GFM2: variants seen among roughly 807,000 people sequenced by gnomAD.
GFM2 encodes the protein ribosome-releasing factor 2, mitochondrial.
A neutral mutation model predicts 95.4 loss-of-function variants in GFM2; 72 were observed. The observed-to-expected ratio is 0.76, with a 90% confidence interval of 0.62 to 0.92. The LOEUF is 0.92. Among genes scored for constraint, GFM2 ranks in the 40% least tolerant of loss-of-function variants. The pLI is 0.00. For synonymous variants in GFM2, 276 were observed against 317.5 expected, an observed-to-expected ratio of 0.87 and a Z score of 1.39; for missense variants, 825 against 924.1, an observed-to-expected ratio of 0.89 and a Z score of 1.39.
chr5:74,767,062 A>G lies in GFM2; in HGVS notation c.-149T>C. ...CGCCAGCCTAGGCAAAAGGCAATGT[A>G]TCTAAACGAAAAGAAAATAGGCTTT... On this transcript the variant is annotated 5_prime_UTR_variant, in exon 1 of 21. Transcript: ENST00000296805. 2.4e-6 allele frequency: 1 copy of G among 412,508 alleles called. No homozygotes were observed. Among genetic ancestry groups the G allele is most frequent in the East Asian group, 4.2e-5 (1 of 23,940 alleles). The allele number at this position is 412,508 out of a possible 1,614,324, so 25.6% of individuals were successfully genotyped here.
intron 10 of GFM2, among the ~76,000 whole-genome samples, chr5:74,744,362 T>TAA (rs371028042): frequency 6.2e-5 from 9 of 145,178 alleles, no homozygotes; most frequent in African/African-American, 2.0e-4. Context: ...TGACTATACT[T>TAA]AAAAAAAAAA....
At chr5:74,762,166 G>A (rs912069316) in intron 2 of GFM2, among the ~76,000 whole-genome samples, 6 of 152,140 alleles carry the variant, frequency 3.9e-5, no homozygotes, top group African/African-American at 1.4e-4. Context: ...AATTGTAGAT[G>A]AATGGTAAGG....
chr5:74,752,557 G>A (rs1192552237), intron 5 of GFM2, among the ~76,000 whole-genome samples: 3 of 152,108 alleles, frequency 2.0e-5, no homozygotes, highest in Admixed American at 2.0e-4. Context: ...AAAGAAAATA[G>A]TATCATTAAG....
In GFM2 at chr5:74,745,733, T is replaced by C. The variant is rs1408098381; in HGVS notation, c.794A>G (p.Asn265Ser). 2 of 1,614,010 alleles carry C rather than the reference T, an allele frequency of 1.2e-6. No homozygotes were observed. Among genetic ancestry groups the C allele is most frequent in the East Asian group, 2.2e-5 (1 of 44,854 alleles). ...DFERKPLLEM[N>S]DPELLKETTE... ...TGTTTCCTTCAGCAATTCAGGATCA[T>C]TCATTTCCAAGAGGGGCTTTCTCTC... Residue 265 changes from asparagine to serine, a missense_variant, in exon 10 of 21, where the codon AAT becomes AGT. Physicochemically the swap from Asn to Ser is conservative, Grantham distance 46. Coordinates refer to ENST00000296805, the MANE Select transcript of GFM2 (RefSeq NM_032380.5).
intron 2 of GFM2, among the ~76,000 whole-genome samples, chr5:74,762,542 G>T (rs1013902667): frequency 6.6e-6 from 1 of 152,182 alleles, no homozygotes; most frequent in South Asian, 2.1e-4. Flanking sequence ...CTCAGCATAT[G>T]ATTTGTTTTT....
chr5:74,726,374 T>A (rs1750149466), intron 17 of GFM2, among the ~76,000 whole-genome samples: 1 of 152,202 alleles, frequency 6.6e-6, no homozygotes, highest in South Asian at 2.1e-4. Flanking sequence ...CATTAAGATA[T>A]GTTGAGGCAC....
intron 6 of GFM2, 69 bp from the exon 7 acceptor site, chr5:74,750,736 A>C: frequency 9.2e-7 from 1 of 1,084,884 alleles, no homozygotes; most frequent in Non-Finnish European, 1.4e-6. Flanking sequence ...GCAATCTCAC[A>C]TCTCACTCCT....
rs757237131 is a variant in GFM2, at chr5:74,763,815, T to C, written c.-24-49A>G. 2.8e-5 allele frequency: 30 copies of C among 1,073,744 alleles called. 1 individual carries two copies. The Middle Eastern group carries it at 8.7e-4, about 31-fold the overall frequency. 66.5% of individuals were successfully genotyped at this position (1,073,744 alleles called of 1,614,324 possible). A position where few individuals can be genotyped will look rare whatever the true frequency, so the allele number is the denominator to read the frequency against. On this transcript the variant is annotated intron_variant, in intron 1 of 20. Coordinates refer to ENST00000296805, the MANE Select transcript of GFM2 (RefSeq NM_032380.5). ...CAAAAAACTAAACTTATGTATTACA[T>C]GTCAGCAAGGCATATGTAAGTTAGA...
chr5:74,732,850 C>T (rs1209551667), intron 16 of GFM2, among the ~76,000 whole-genome samples, 172 bp downstream of exon 16: 1 of 151,074 alleles, frequency 6.6e-6, no homozygotes, highest in Non-Finnish European at 1.5e-5. Flanking sequence ...TGATAGTCAA[C>T]ATAAAAGCAG....
chr5:74,756,665 GTATA>G (rs141460554), intron 5 of GFM2, among the ~76,000 whole-genome samples: 1 of 147,572 alleles, frequency 6.8e-6, no homozygotes, highest in African/African-American at 2.5e-5. Flanking sequence ...AAGTGTGTGT[GTATA>G]TATATATACA....
intron 1 of GFM2, among the ~76,000 whole-genome samples, 185 bp from the exon 2 acceptor site, chr5:74,763,951 T>A (rs1208128480): frequency 3.3e-5 from 5 of 152,212 alleles, no homozygotes; most frequent in Admixed American, 3.3e-4. Context: ...TGATTAAATA[T>A]GAGAAATATG....
chr5:74,724,540 T>G (rs1750062806), intron 19 of GFM2, among the ~76,000 whole-genome samples: 1 of 151,954 alleles, frequency 6.6e-6, no homozygotes, highest in Non-Finnish European at 1.5e-5. Context: ...TCGTCATAAC[T>G]ACTTTGCAGG....
At chr5:74,746,970 G>A (rs1053676759) in intron 8 of GFM2, among the ~76,000 whole-genome samples, 1 of 152,148 alleles carries the variant, frequency 6.6e-6, no homozygotes, top group African/African-American at 2.4e-5. Context: ...GTAGTTTTAG[G>A]GGAGGTATAG....
intron 2 of GFM2, among the ~76,000 whole-genome samples, chr5:74,762,140 T>C (rs963408802): frequency 1.3e-5 from 2 of 152,080 alleles, no homozygotes; most frequent in African/African-American, 4.8e-5. Flanking sequence ...AGGTGATTTT[T>C]AAAGTAGCAA....
chr5:74,743,525 GTC>G (rs1363930792), intron 10 of GFM2, among the ~76,000 whole-genome samples: 5 of 152,112 alleles, frequency 3.3e-5, no homozygotes, highest in African/African-American at 1.2e-4. Context: ...GCTACTGACA[GTC>G]TCAGATTCTT....
At chr5:74,736,586 G>A in intron 15 of GFM2, 1 of 1,404,756 alleles carries the variant, frequency 7.1e-7, no homozygotes, top group East Asian at 2.6e-5. Flanking sequence ...AATATGAGAA[G>A]AATGGCCAAG....
intron 15 of GFM2, among the ~76,000 whole-genome samples, chr5:74,735,106 T>G (rs1293504122): frequency 6.6e-5 from 10 of 152,196 alleles, no homozygotes; most frequent in Admixed American, 2.0e-4. Context: ...ACCAGCTTGG[T>G]TAACTTTGAT....
At chr5:74,763,534 CT>C in intron 2 of GFM2, 145 bp downstream of exon 2, 1 of 475,800 alleles carries the variant, frequency 2.1e-6, no homozygotes, top group Non-Finnish European at 3.8e-6. Flanking sequence ...AAGGTAATTA[CT>C]TTCAAATTAG....
At chr5:74,765,604 G>C (rs952724387) in intron 1 of GFM2, among the ~76,000 whole-genome samples, 3 of 152,136 alleles carry the variant, frequency 2.0e-5, no homozygotes, top group African/African-American at 7.2e-5. Context: ...AAGGCAAAGA[G>C]ATTATATAAC....
Sources: gnomAD v4.1 joint callset for allele counts (sites outside exome capture counted in the v4.1 genomes callset) on GRCh38, gnomAD v4.1.1 for gene constraint, MANE v1.5 for transcripts, NCBI Gene and HGNC (gene_info 2026-07-23, HGNC 2026-07-21) for gene names.